Variants in TNC observed in about 807,000 individuals in gnomAD.
TNC encodes the protein tenascin C, also known as tenascin.
In TNC, 109 loss-of-function variants were observed where a neutral mutation model predicts 202.4. The observed-to-expected ratio is 0.54, with a 90% confidence interval of 0.46 to 0.63. The LOEUF is 0.63. Ranked by LOEUF, TNC falls within the 30% of genes least tolerant of loss-of-function variation. The pLI, the probability that TNC is intolerant of heterozygous loss-of-function variation, is 0.00. For missense variants in TNC, 2,756 were observed against 2,833.3 expected (o/e 0.97, Z 0.62); for synonymous variants, 1,007 against 1,089.7 (o/e 0.92, Z 1.50).
At chr9:115,050,528 T>C (rs1438342754) in intron 15 of TNC, among the ~76,000 whole-genome samples, 2 of 152,206 alleles carry the variant, frequency 1.3e-5, no homozygotes, top group Non-Finnish European at 2.9e-5. Context: ...ATCTGAATGA[T>C]TTAATTCACA....
At chr9:115,100,049 G>A (rs1836112532) in intron 1 of TNC, among the ~76,000 whole-genome samples, 1 of 152,168 alleles carries the variant, frequency 6.6e-6, no homozygotes, top group Non-Finnish European at 1.5e-5. Flanking sequence ...CAGGACCCTG[G>A]CCAAGGTTCC....
At chr9:115,075,677 C>T (rs915877013) in intron 9 of TNC, among the ~76,000 whole-genome samples, 5 of 152,026 alleles carry the variant, frequency 3.3e-5, no homozygotes, top group African/African-American at 9.7e-5. Flanking sequence ...CCCAGCTACT[C>T]GGGAGGCTGA....
At position 115,085,945 on chromosome 9, in the gene TNC, T is replaced by G; in HGVS notation, c.1786A>C (p.Ser596Arg). 1.2e-6 allele frequency: 2 copies of G among 1,613,980 alleles called. No individual in the cohort carries two copies. The highest frequency in any genetic ancestry group is 1.7e-6 in the Non-Finnish European group (2 of 1,179,908). The part of the protein sequence containing the change: ...GLDCGQHSCP[S>R]DCNNLGQCVS... Reference sequence around the variant, plus strand: ...CATTGTCCTAAGTTGTTGCAGTCACTGGGGCAGGAGTGCTGGCCACAGTCC... The same window carrying G: ...CATTGTCCTAAGTTGTTGCAGTCACGGGGGCAGGAGTGCTGGCCACAGTCC... The change falls in exon 3 of 28, where the codon AGT becomes CGT. Residue 596 changes from serine to arginine, a missense_variant. By Grantham distance (110) the Ser-to-Arg change is moderately radical (BLOSUM62 -1). Transcript: ENST00000350763.
In TNC at chr9:115,020,676, C is replaced by A. The variant is rs748944098; in HGVS notation, c.*481G>T. The A allele has an allele frequency of 3.2e-5, 11 of 341,036 alleles. No homozygotes were observed. The highest frequency in any genetic ancestry group is 2.8e-4 in the South Asian group (11 of 39,298). 21.1% of individuals were successfully genotyped at this position (341,036 alleles called of 1,614,324 possible). On this transcript the variant is annotated 3_prime_UTR_variant, in exon 28 of 28. Coordinates refer to ENST00000350763, the MANE Select transcript of TNC (RefSeq NM_002160.4). The stretch of plus-strand genomic sequence containing the variant: ...TTATATTAATAATATTAATCATATC[C>A]TTAAAATGGAAACAGTATTGCTTTT...
rs57888641 is a variant in TNC at position 115,117,340 on chromosome 9, C to T, written c.-137+642G>A. On this transcript the variant is annotated intron_variant, in intron 1 of 27. Coordinates refer to ENST00000350763, the MANE Select transcript of TNC (RefSeq NM_002160.4). ...GAGGTGATTCTAGAGACATGTGGGA[C>T]GCTGCTGGCTCTAGGCACCCCAGTA... is the stretch of plus-strand genomic sequence containing the variant. Among the ~76,000 whole-genome samples, 1,183 of 152,200 alleles carry T rather than the reference C, an allele frequency of 7.8e-3. 19 individuals carry two copies. The highest frequency in any genetic ancestry group is 0.027 in the African/African-American group (1,123 of 41,526).
intron 1 of TNC, among the ~76,000 whole-genome samples, chr9:115,093,101 T>A (rs1485091027): frequency 1.3e-5 from 2 of 152,164 alleles, no homozygotes; most frequent in South Asian, 4.1e-4. Flanking sequence ...TCCTTCCTCA[T>A]GACAGAAAGC....
intron 12 of TNC, 133 bp downstream of exon 12, chr9:115,063,663 G>T: frequency 9.9e-7 from 1 of 1,009,882 alleles, no homozygotes; most frequent in Non-Finnish European, 1.4e-6. Context: ...CATTTAGGAA[G>T]AAGCAGAGAT....
intron 9 of TNC, among the ~76,000 whole-genome samples, chr9:115,075,583 G>C (rs1461133868): frequency 6.6e-6 from 1 of 152,106 alleles, no homozygotes; most frequent in Non-Finnish European, 1.5e-5. Context: ...TCAAGAGATT[G>C]AGACCATCCT....
intron 12 of TNC, 49 bp from the exon 13 acceptor site, chr9:115,063,238 G>A (rs770863362): frequency 4.4e-6 from 7 of 1,595,126 alleles, no homozygotes; most frequent in East Asian, 2.2e-5. Flanking sequence ...GCAATTGCAC[G>A]CTGGGATTCA....
intron 27 of TNC, among the ~76,000 whole-genome samples, chr9:115,022,519 T>C (rs1411730942): frequency 1.3e-5 from 2 of 151,974 alleles, no homozygotes; most frequent in South Asian, 2.1e-4. Flanking sequence ...TCTTCTTCCA[T>C]AATTGAATGG....
At chr9:115,074,654 G>A (rs1833707101) in intron 9 of TNC, among the ~76,000 whole-genome samples, 1 of 152,210 alleles carries the variant, frequency 6.6e-6, no homozygotes, top group African/African-American at 2.4e-5. Flanking sequence ...AATGCCCAGG[G>A]TTAGGCAGAG....
chr9:115,094,981 G>T (rs997731612), intron 1 of TNC, among the ~76,000 whole-genome samples: 2 of 152,066 alleles, frequency 1.3e-5, no homozygotes, highest in Admixed American at 6.6e-5. Flanking sequence ...CAATAGAAAG[G>T]TCTTCTTTGA....
In TNC at chr9:115,063,155, G is replaced by A. The variant is rs527395537; in HGVS notation, c.3795C>T (p.Thr1265=). The A allele has an allele frequency of 3.5e-5, 56 of 1,613,992 alleles. No individual in the cohort carries two copies. The highest frequency in any genetic ancestry group is 3.2e-4 in the South Asian group (29 of 91,074). ...GTCTGAGAGCATCCCAGCTAACCTC[G>A]GTCACTGTGAGGTTTCCCATATCTG... The part of the protein sequence containing the change: ...EVPDMGNLTV[T]EVSWDALRLN... Residue 1265 remains threonine, a synonymous_variant, in exon 13 of 28, where the codon ACC becomes ACT. Coordinates refer to ENST00000350763, the MANE Select transcript of TNC (RefSeq NM_002160.4).
At chr9:115,084,094 T>C (rs752943595) in intron 4 of TNC, 115 bp downstream of exon 4, 56 of 1,140,742 alleles carry the variant, frequency 4.9e-5, no homozygotes, top group Non-Finnish European at 6.7e-5. Flanking sequence ...TAGGCTCTTA[T>C]TTGGTATAAC....
rs1588149860 is a variant in TNC, at chr9:115,081,831, G to C, written c.2345C>G (p.Ser782Cys). The C allele has an allele frequency of 3.1e-6, 5 of 1,611,740 alleles. No individual in the cohort carries two copies. In the East Asian group the frequency reaches 1.1e-4, roughly 36 times the overall value. The change falls in exon 6 of 28, where the codon TCT (serine) becomes TGT (cysteine). Residue 782 changes from serine to cysteine, a missense_variant. Ser to Cys is a moderately radical substitution (Grantham distance 112). Around this residue, in one of 2 missense-constraint regions of TNC, gnomAD observed 2,559 missense variants for 2,546.0 expected, o/e 1.01. Transcript: ENST00000350763. The stretch of plus-strand genomic sequence containing the variant: ...GGTATTGTTTTTCACTATGTGCAGA[G>C]ATATCTCATACTCTTGCCCAGGAGC... ...GLAPGQEYEI[S>C]LHIVKNNTRG...
Position 115,085,881 on chromosome 9 carries a change from C to G in TNC, c.1850G>C (p.Gly617Ala). Residue 617 changes from glycine to alanine, a missense_variant, in exon 3 of 28, where the codon GGA (glycine) becomes GCA (alanine). Around this residue, in one of 2 missense-constraint regions of TNC, gnomAD observed 2,559 missense variants for 2,546.0 expected, o/e 1.01. Coordinates refer to ENST00000350763, the MANE Select transcript of TNC (RefSeq NM_002160.4). ...GCACTCACCCTCTGAGCAGTCTTCT[C>G]CGCTGTAGCCCTCGTTGCAGATGCA... ...GRCICNEGYSGEDCSEVSPPK... is the reference protein window; with the variant it reads ...GRCICNEGYSAEDCSEVSPPK... 6.2e-7 allele frequency: 1 copy of G among 1,610,516 alleles called. No individual in the cohort carries two copies. Among genetic ancestry groups the G allele is most frequent in the Non-Finnish European group, 8.5e-7 (1 of 1,177,282 alleles).
chr9:115,093,179 CA>C (rs1564134045), intron 1 of TNC, among the ~76,000 whole-genome samples: 2 of 152,088 alleles, frequency 1.3e-5, no homozygotes, highest in Admixed American at 1.3e-4. Flanking sequence ...TATGACTGAT[CA>C]GGGGCCTAAG....
intron 1 of TNC, among the ~76,000 whole-genome samples, chr9:115,108,126 A>C (rs1836754070): frequency 6.6e-6 from 1 of 152,120 alleles, no homozygotes; most frequent in Non-Finnish European, 1.5e-5. Flanking sequence ...CTACCTCTAG[A>C]GCTAGGTTTT....
At chr9:115,108,150 G>A (rs1482805634) in intron 1 of TNC, among the ~76,000 whole-genome samples, 1 of 152,126 alleles carries the variant, frequency 6.6e-6, no homozygotes, top group Admixed American at 6.6e-5. Flanking sequence ...TCCTGGGCAT[G>A]CCTATTTTGT....
Sources: allele counts gnomAD v4.1 joint callset (sites outside exome capture counted in the v4.1 genomes callset), GRCh38; gene constraint gnomAD v4.1.1; regional missense constraint gnomAD v4.1.1; transcripts MANE v1.5; gene names NCBI Gene and HGNC (gene_info 2026-07-23, HGNC 2026-07-21).